Variants in GRIP1 observed in about 807,000 individuals in gnomAD.
GRIP1 encodes the protein glutamate receptor-interacting protein 1.
In GRIP1, 45 loss-of-function variants were observed where a neutral mutation model predicts 129.9. The observed-to-expected ratio is 0.35, with a 90% CI of 0.27 to 0.44. GRIP1 has a LOEUF of 0.44. Ranked by LOEUF, GRIP1 falls within the 20% of genes least tolerant of loss-of-function variation. The pLI is 1.00. For synonymous variants in GRIP1, 530 were observed against 520.8 expected (o/e 1.02, Z -0.24); for missense variants, 1,196 against 1,396.8 (o/e 0.86, Z 2.29).
intron 2 of GRIP1, among the ~76,000 whole-genome samples, chr12:66,553,481 T>C (rs892137353): frequency 6.6e-6 from 1 of 151,884 alleles, no homozygotes; most frequent in African/African-American, 2.4e-5. Flanking sequence ...TATTAAAAAA[T>C]ACAGACCTTG....
intron 1 of GRIP1, among the ~76,000 whole-genome samples, chr12:66,598,288 G>A (rs970339705): frequency 2.0e-5 from 3 of 152,034 alleles, no homozygotes; most frequent in African/African-American, 7.2e-5. Flanking sequence ...AATGACAAAA[G>A]GAAAAGATTA....
At chr12:66,350,876 T>C (rs2054192055) in intron 24 of GRIP1, among the ~76,000 whole-genome samples, 1 of 152,210 alleles carries the variant, frequency 6.6e-6, no homozygotes, top group South Asian at 2.1e-4. Flanking sequence ...CTTAAGAAAC[T>C]AATATGCCTC....
intron 1 of GRIP1, among the ~76,000 whole-genome samples, chr12:66,760,880 T>C (rs1489376034): frequency 6.6e-6 from 1 of 151,898 alleles, no homozygotes; most frequent in Non-Finnish European, 1.5e-5. Flanking sequence ...AAAAGTAGCC[T>C]GGGTCACCTT....
intron 1 of GRIP1, among the ~76,000 whole-genome samples, chr12:66,997,605 A>C (rs760667900): frequency 2.0e-5 from 3 of 152,186 alleles, no homozygotes; most frequent in Non-Finnish European, 4.4e-5. Context: ...AAGGACAAGA[A>C]GCTTGAAGCC....
In GRIP1 at chr12:66,391,485, C is replaced by T. The variant is rs535156259; in HGVS notation, c.2464+823G>A. Among the ~76,000 whole-genome samples, 48 of 152,296 alleles carry T rather than the reference C, an allele frequency of 3.2e-4. 2 individuals carry two copies. The South Asian group carries it at 8.7e-3, about 28-fold the overall frequency. ...CTTTTTAATGTAGATAGTATTTCTT[C>T]ACATGACGATGACACCTATGAAGAA... On this transcript the variant is annotated intron_variant, in intron 19 of 24. Transcript: ENST00000359742.
At chr12:66,349,661 G>C (rs1352704360) in intron 24 of GRIP1, among the ~76,000 whole-genome samples, 1 of 152,174 alleles carries the variant, frequency 6.6e-6, no homozygotes, top group Non-Finnish European at 1.5e-5. Context: ...CCTGTGCTCT[G>C]AATCACGATG....
intron 1 of GRIP1, among the ~76,000 whole-genome samples, chr12:66,820,072 A>C (rs574812832): frequency 3.3e-5 from 5 of 152,304 alleles, no homozygotes; most frequent in African/African-American, 9.6e-5. Context: ...TACTGAAGAA[A>C]TATCTCCTCC....
At position 66,739,707 on chromosome 12, in the gene GRIP1, C is replaced by T. The variant is rs554771920; in HGVS notation, c.-420+64346G>A. ...GGCACACATTTACCTATGAAACAAACCTGCACATCCTGCACATGTATCCCA... is the reference window on the plus strand; with the variant it reads ...GGCACACATTTACCTATGAAACAAATCTGCACATCCTGCACATGTATCCCA... On this transcript the variant is annotated intron_variant, in intron 1 of 4. Coordinates refer to the GRIP1 transcript ENST00000538373. 1.8e-3 allele frequency among the ~76,000 whole-genome samples: 272 copies of T among 151,742 alleles called. 1 individual carries two copies. The highest frequency in any genetic ancestry group is 6.3e-3 in the African/African-American group (260 of 41,314).
chr12:66,566,173 T>C (rs1209906280), intron 2 of GRIP1, among the ~76,000 whole-genome samples: 1 of 152,196 alleles, frequency 6.6e-6, no homozygotes, highest in East Asian at 1.9e-4. Context: ...ACAGGAGTGG[T>C]GAGAGAGGGC....
At chr12:66,988,595 C>T (rs544203090) in intron 1 of GRIP1, among the ~76,000 whole-genome samples, 10 of 152,088 alleles carry the variant, frequency 6.6e-5, no homozygotes, top group African/African-American at 1.9e-4. Flanking sequence ...CACAGACTGG[C>T]GTTGAACTCC....
intron 1 of GRIP1, among the ~76,000 whole-genome samples, chr12:66,849,008 C>T (rs963524891): frequency 6.6e-6 from 1 of 152,142 alleles, no homozygotes; most frequent in Non-Finnish European, 1.5e-5. Flanking sequence ...CCTAGGTTCT[C>T]CCAACTGTAC....
At chr12:66,510,448 T>C (rs1229918251) in intron 7 of GRIP1, among the ~76,000 whole-genome samples, 1 of 152,184 alleles carries the variant, frequency 6.6e-6, no homozygotes, top group African/African-American at 2.4e-5. Flanking sequence ...TCTTCTGCTC[T>C]GACCTGTGTA....
chr12:66,541,051 G>C lies in GRIP1; in HGVS notation c.272+764C>G, dbSNP rs187440928. Among the ~76,000 whole-genome samples the C allele has an allele frequency of 1.3e-3, 192 of 152,124 alleles. 1 individual carries two copies. The highest frequency in any genetic ancestry group is 4.3e-3 in the African/African-American group (178 of 41,516). Reference sequence around the variant, plus strand: ...GCTGGTCTCGAACTCCTGACCTCAGGTGATTCACCTGCCTTGGCCTCCCAA... The same window carrying C: ...GCTGGTCTCGAACTCCTGACCTCAGCTGATTCACCTGCCTTGGCCTCCCAA... On this transcript the variant is annotated intron_variant, in intron 3 of 24. Coordinates refer to ENST00000359742, the MANE Select transcript of GRIP1 (RefSeq NM_001366722.1).
chr12:66,826,021 C>T (rs970540819), intron 1 of GRIP1, among the ~76,000 whole-genome samples: 5 of 152,078 alleles, frequency 3.3e-5, no homozygotes, highest in Non-Finnish European at 5.9e-5. Context: ...ATGTTTATTG[C>T]AGCACTGTTC....
chr12:66,974,945 C>G lies in GRIP1; in HGVS notation c.58+94105G>C, dbSNP rs538462118. Among the ~76,000 whole-genome samples the G allele has an allele frequency of 3.3e-5, 5 of 152,280 alleles. No individual in the cohort carries two copies. In the East Asian group the frequency reaches 9.6e-4, roughly 29 times the overall value. ...ATCTGTTATGACTGCTGTTGCCATCCACTGCAATTTTCCTCTCATCAAACA... is the reference window on the plus strand; with the variant it reads ...ATCTGTTATGACTGCTGTTGCCATCGACTGCAATTTTCCTCTCATCAAACA... On this transcript the variant is annotated intron_variant, in intron 1 of 1. Coordinates refer to the GRIP1 transcript ENST00000643019.
At chr12:66,511,064 G>A (rs1015044850) in intron 7 of GRIP1, among the ~76,000 whole-genome samples, 10 of 152,082 alleles carry the variant, frequency 6.6e-5, no homozygotes, top group African/African-American at 2.2e-4. Flanking sequence ...CAATTCCCAC[G>A]TGTTGTGGGA....
intron 1 of GRIP1, among the ~76,000 whole-genome samples, chr12:66,624,593 T>A (rs535430172): frequency 6.6e-5 from 10 of 152,276 alleles, no homozygotes; most frequent in African/African-American, 2.4e-4. Flanking sequence ...CAGCAAAGAA[T>A]TGAAATTATC....
intron 1 of GRIP1, among the ~76,000 whole-genome samples, chr12:66,639,487 C>T (rs746828969): frequency 6.6e-6 from 1 of 152,046 alleles, no homozygotes; most frequent in Non-Finnish European, 1.5e-5. Flanking sequence ...CCAATTACAG[C>T]AAAGTGGGAG....
chr12:67,034,084 A>T (rs1483650285), intron 1 of GRIP1, among the ~76,000 whole-genome samples: 2 of 152,222 alleles, frequency 1.3e-5, no homozygotes, highest in Admixed American at 1.3e-4. Flanking sequence ...AACACTCTTA[A>T]TTCAAAACTT....
Sources: gnomAD v4.1 joint callset for allele counts (sites outside exome capture counted in the v4.1 genomes callset) on GRCh38, gnomAD v4.1.1 for gene constraint, MANE v1.5 for transcripts, NCBI Gene and HGNC (gene_info 2026-07-23, HGNC 2026-07-21) for gene names.